The following CCDC7 variants were observed in gnomAD, a reference collection of about 807,000 sequenced individuals.
CCDC7 encodes the protein coiled-coil domain-containing protein 7.
CCDC7 carries 183 observed loss-of-function variants against 196.9 expected under a neutral mutation model. The ratio of observed to expected loss-of-function variants is 0.93; its 90% confidence interval spans 0.82 to 1.05. The LOEUF (loss-of-function observed/expected upper bound fraction) is 1.05, where lower values mean the gene tolerates loss of function less well. CCDC7 is among the 50% of genes least tolerant of loss of function. The probability of loss-of-function intolerance (pLI) is 0.00; values close to 1 mark genes in which losing one functional copy is unlikely to be tolerated. For missense variants in CCDC7, 1,540 were observed against 1,482.2 expected (o/e 1.04, Z -0.64); for synonymous variants, 525 against 484.6 (o/e 1.08, Z -1.10).
At chr10:32,470,972 CTTTGA>C (rs2037824106) in intron 5 of CCDC7, 87 bp from the exon 7 acceptor site, 1 of 1,228,314 alleles carries the variant, frequency 8.1e-7, no homozygotes, top group African/African-American at 1.5e-5. Context: ...ATAAAAATTA[CTTTGA>C]TTTAATAAAG....
chr10:32,596,866 T>A (rs1019485673), intron 18 of CCDC7, among the ~76,000 whole-genome samples: 10 of 152,260 alleles, frequency 6.6e-5, no homozygotes, highest in Non-Finnish European at 1.5e-4. Context: ...CACTCTCTTC[T>A]GGCTTGTAGA....
intron 24 of CCDC7, among the ~76,000 whole-genome samples, chr10:32,703,586 C>G (rs976441878): frequency 1.1e-4 from 17 of 152,058 alleles, no homozygotes; most frequent in Non-Finnish European, 2.5e-4. Flanking sequence ...GGGAAGTTCT[C>G]CTGCATAATA....
chr10:32,471,327 A>T (rs1401024078), intron 6 of CCDC7, 97 bp downstream of exon 7: 2 of 1,384,858 alleles, frequency 1.4e-6, no homozygotes, highest in African/African-American at 3.0e-5. Flanking sequence ...TGATGGCTAT[A>T]CACAGAGCTT....
At chr10:32,522,346 G>A (rs1448663311) in intron 11 of CCDC7, among the ~76,000 whole-genome samples, 7 of 152,084 alleles carry the variant, frequency 4.6e-5, no homozygotes, top group African/African-American at 7.2e-5. Flanking sequence ...CTTTGATCTC[G>A]TTACTTTTTG....
chr10:32,867,257 G>A (rs970309955), intron 41 of CCDC7, among the ~76,000 whole-genome samples: 6 of 151,550 alleles, frequency 4.0e-5, no homozygotes, highest in Non-Finnish European at 8.9e-5. Flanking sequence ...TAATTGTGTT[G>A]TGATGATATA....
intron 16 of CCDC7, chr10:32,574,659 G>A (rs2990962): frequency 0.15 from 55,040 of 355,794 alleles, 4,801 homozygotes; most frequent in East Asian, 0.26. Flanking sequence ...CATCATGTGC[G>A]TTGTTAGCTT....
chr10:32,713,003 T>A (rs915174904), intron 25 of CCDC7, among the ~76,000 whole-genome samples: 4 of 152,202 alleles, frequency 2.6e-5, no homozygotes, highest in Non-Finnish European at 5.9e-5. Flanking sequence ...TAGACATTGG[T>A]ACTACGTGCC....
intron 11 of CCDC7, among the ~76,000 whole-genome samples, chr10:32,527,241 A>G (rs567153139): frequency 3.5e-4 from 53 of 152,244 alleles, no homozygotes; most frequent in African/African-American, 1.1e-3. Flanking sequence ...CTCCCTCCCC[A>G]AAGTGCACAG....
At chr10:32,469,216 A>C (rs552081403) in intron 5 of CCDC7, among the ~76,000 whole-genome samples, 116 of 151,744 alleles carry the variant, frequency 7.6e-4, no homozygotes, top group Non-Finnish European at 1.4e-3. Context: ...GGGAAAGTTT[A>C]ATATAAAGAA....
At chr10:32,722,851 G>A (rs971133909) in intron 25 of CCDC7, among the ~76,000 whole-genome samples, 1 of 152,028 alleles carries the variant, frequency 6.6e-6, no homozygotes, top group South Asian at 2.1e-4. Context: ...AATCCAAAAG[G>A]CCCAAGAAAT....
At chr10:32,494,837 A>G (rs1283110713) in intron 9 of CCDC7, among the ~76,000 whole-genome samples, 2 of 152,174 alleles carry the variant, frequency 1.3e-5, no homozygotes, top group African/African-American at 2.4e-5. Flanking sequence ...GCCATTGTGA[A>G]CAGTGCTGCA....
chr10:32,719,455 A>G (rs1428312585), intron 25 of CCDC7, among the ~76,000 whole-genome samples: 2 of 152,218 alleles, frequency 1.3e-5, no homozygotes, highest in East Asian at 3.8e-4. Flanking sequence ...CATTCAGGAC[A>G]TAGGCAAGGG....
chr10:32,564,401 C>A (rs2056391203), intron 13 of CCDC7, among the ~76,000 whole-genome samples: 1 of 152,156 alleles, frequency 6.6e-6, no homozygotes, highest in African/African-American at 2.4e-5. Context: ...GGAACCAACC[C>A]ACATGTCCAA....
intron 11 of CCDC7, among the ~76,000 whole-genome samples, chr10:32,541,901 T>C (rs1161669182): frequency 2.6e-5 from 4 of 152,226 alleles, no homozygotes; most frequent in Admixed American, 2.6e-4. Flanking sequence ...TTACTCAGCC[T>C]TTCCCATATT....
intron 31 of CCDC7, among the ~76,000 whole-genome samples, chr10:32,821,010 A>G (rs1593125594): frequency 6.6e-6 from 1 of 152,200 alleles, no homozygotes; most frequent in South Asian, 2.1e-4. Flanking sequence ...AAAGGAAACT[A>G]CCATCAGAGT....
chr10:32,661,566 G>A (rs548069638), intron 20 of CCDC7, among the ~76,000 whole-genome samples: 1 of 152,102 alleles, frequency 6.6e-6, no homozygotes, highest in Admixed American at 6.5e-5. Flanking sequence ...GATTATTCAG[G>A]GCCCAAGGGC....
intron 9 of CCDC7, among the ~76,000 whole-genome samples, chr10:32,505,237 G>C (rs940936461): frequency 3.3e-5 from 5 of 151,576 alleles, no homozygotes; most frequent in Non-Finnish European, 5.9e-5. Context: ...CTCGGAGAGG[G>C]GGATGTGGCA....
At chr10:32,561,002 A>G (rs1257599354) in intron 13 of CCDC7, among the ~76,000 whole-genome samples, 1 of 151,360 alleles carries the variant, frequency 6.6e-6, no homozygotes, top group Admixed American at 6.6e-5. Flanking sequence ...AAACAAAAAA[A>G]AAGGCAGGGA....
intron 5 of CCDC7, among the ~76,000 whole-genome samples, chr10:32,467,172 G>A (rs191744150): frequency 8.6e-4 from 130 of 150,998 alleles, no homozygotes; most frequent in Middle Eastern, 3.4e-3. Flanking sequence ...CACAATCTCC[G>A]CTCACTGCAA....
Sources: allele counts gnomAD v4.1 joint callset (sites outside exome capture counted in the v4.1 genomes callset), GRCh38; gene constraint gnomAD v4.1.1; transcripts MANE v1.5; gene names NCBI Gene and HGNC (gene_info 2026-07-23, HGNC 2026-07-21).